The following OR5V1 variants were observed in gnomAD, a reference collection of about 807,000 sequenced individuals.
OR5V1 encodes the protein olfactory receptor family 5 subfamily V member 1.
For missense variants in OR5V1, 365 were observed against 371.5 expected (o/e 0.98, Z 0.14); for synonymous variants, 134 against 143.2 (o/e 0.94, Z 0.46).
chr6:29,368,456 T>G (rs567231414), intron 1 of OR5V1, among the ~76,000 whole-genome samples, 176 bp downstream of exon 1: 9 of 152,168 alleles, frequency 5.9e-5, no homozygotes, highest in African/African-American at 2.2e-4. Context: ...AGTAGGCTGA[T>G]TGTCACCCAA....
At chr6:29,362,422 C>G (rs1048504854) in intron 1 of OR5V1, among the ~76,000 whole-genome samples, 1 of 152,176 alleles carries the variant, frequency 6.6e-6, no homozygotes, top group African/African-American at 2.4e-5. Flanking sequence ...GAATTCAGCT[C>G]TGGACCAAGC....
rs961425340 is a variant in OR5V1, at chr6:29,354,170, T to C, written c.*1060A>G. ...GTATCTACCTGATCTATAAGCCTTTTTCTATCTCTCTTTCAATCTCTTAGG... is the reference window on the plus strand; with the variant it reads ...GTATCTACCTGATCTATAAGCCTTTCTCTATCTCTCTTTCAATCTCTTAGG... On this transcript the variant is annotated 3_prime_UTR_variant, in exon 2 of 2. Coordinates refer to ENST00000641768, the MANE Select transcript of OR5V1 (RefSeq NM_030876.6). 4 of 152,036 alleles carry C rather than the reference T, an allele frequency of 2.6e-5. No homozygotes were observed. Among genetic ancestry groups the C allele is most frequent in the South Asian group, 2.1e-4 (1 of 4,816 alleles). The allele number at this position is 152,036 out of a possible 1,614,324, so 9.4% of individuals were successfully genotyped here.
intron 1 of OR5V1, among the ~76,000 whole-genome samples, chr6:29,359,708 C>A (rs1778477829): frequency 6.6e-6 from 1 of 152,150 alleles, no homozygotes; most frequent in South Asian, 2.1e-4. Context: ...GGAGCTTCCC[C>A]AGCCAAGGGA....
chr6:29,364,180 G>A (rs1349510081), intron 1 of OR5V1, among the ~76,000 whole-genome samples: 2 of 151,980 alleles, frequency 1.3e-5, no homozygotes, highest in African/African-American at 4.8e-5. Flanking sequence ...AATCATGAGT[G>A]AACTCCCATT....
intron 1 of OR5V1, among the ~76,000 whole-genome samples, chr6:29,366,284 A>G (rs1778850355): frequency 6.6e-6 from 1 of 150,402 alleles, no homozygotes; most frequent in Non-Finnish European, 1.5e-5. Context: ...ACAAACCTGC[A>G]CATTCTGCAT....
chr6:29,360,505 G>T (rs1195377453), intron 1 of OR5V1, among the ~76,000 whole-genome samples: 1 of 152,212 alleles, frequency 6.6e-6, no homozygotes, highest in Non-Finnish European at 1.5e-5. Flanking sequence ...CCCAACAGGG[G>T]TTGACAGACA....
At position 29,355,192 on chromosome 6, in the gene OR5V1, G is replaced by A. The variant is rs1434226580; in HGVS notation, c.*38C>T. 5.9e-6 allele frequency: 9 copies of A among 1,526,398 alleles called. No homozygotes were observed. Among genetic ancestry groups the A allele is most frequent in the Non-Finnish European group, 7.9e-6 (9 of 1,142,362 alleles). 94.6% of individuals were successfully genotyped at this position (1,526,398 alleles called of 1,614,324 possible). ...ATAAAAACAGCTGACTGGTGAAAAA[G>A]TTAATTTTGTAGTATAAGATTATTG... On this transcript the variant is annotated 3_prime_UTR_variant, in exon 2 of 2. Coordinates refer to ENST00000641768, the MANE Select transcript of OR5V1 (RefSeq NM_030876.6).
rs1186450128 is a variant in OR5V1, at chr6:29,354,061, C to T, written c.*1169G>A. 6.6e-6 allele frequency: 1 copy of T among 152,086 alleles called. No individual in the cohort carries two copies. Among genetic ancestry groups the T allele is most frequent in the Non-Finnish European group, 1.5e-5 (1 of 68,000 alleles). The allele number at this position is 152,086 out of a possible 1,614,324, so 9.4% of individuals were successfully genotyped here. On this transcript the variant is annotated 3_prime_UTR_variant, in exon 2 of 2. Coordinates refer to ENST00000641768, the MANE Select transcript of OR5V1 (RefSeq NM_030876.6). ...CAAAAGAGGGGCTGGGAAGTCAAGA[C>T]TTAATCAAGGGAGGCATCAGTAGGT...
intron 1 of OR5V1, among the ~76,000 whole-genome samples, chr6:29,367,803 A>G (rs1778925576): frequency 6.6e-6 from 1 of 152,176 alleles, no homozygotes; most frequent in African/African-American, 2.4e-5. Context: ...TCACCACGCA[A>G]AGCACAAGTA....
rs776585406 is a variant in OR5V1, at chr6:29,356,188, C to G, written c.8G>C (p.Arg3Thr). 1 of 1,564,246 alleles carries G rather than the reference C, an allele frequency of 6.4e-7. No individual in the cohort carries two copies. The highest frequency in any genetic ancestry group is 8.6e-7 in the Non-Finnish European group (1 of 1,160,950). The part of the protein sequence containing the change: ME[R>T]KNQTAITEFI... ...TTCAGTTATAGCTGTTTGATTCTTT[C>G]TTTCCATGATGTCGCCTGGTTTCCT... The change falls in exon 2 of 2, where the codon AGA becomes ACA. Residue 3 changes from arginine (R) to threonine (T), a missense_variant. Transcript: ENST00000641768.
Position 29,353,805 on chromosome 6 carries a change from T to A in OR5V1, c.*1425A>T, listed in dbSNP as rs1778126684. 6.6e-6 allele frequency: 1 copy of A among 152,026 alleles called. No homozygotes were observed. Among genetic ancestry groups the A allele is most frequent in the Non-Finnish European group, 1.5e-5 (1 of 67,938 alleles). The allele number at this position is 152,026 out of a possible 1,614,324, so 9.4% of individuals were successfully genotyped here. A position where few individuals can be genotyped will look rare whatever the true frequency, so the allele number is the denominator to read the frequency against. The stretch of plus-strand genomic sequence containing the variant: ...AATTATTTAGGGTTCCTGCAGGAGA[T>A]GAGTTACAAAGTAGGTAGTACTTAG... On this transcript the variant is annotated 3_prime_UTR_variant, in exon 2 of 2. Transcript: ENST00000641768.
Position 29,354,440 on chromosome 6 carries a change from A to G in OR5V1, c.*790T>C, listed in dbSNP as rs1778158476. 1 of 152,076 alleles carries G rather than the reference A, an allele frequency of 6.6e-6. No individual in the cohort carries two copies. The highest frequency in any genetic ancestry group is 1.5e-5 in the Non-Finnish European group (1 of 67,968). The allele number at this position is 152,076 out of a possible 1,614,324, so 9.4% of individuals were successfully genotyped here. ...TCTAAATTTAGTCATTATATAACTAAGACTTTTTATTCCCCATCAAAAAAC... is the reference window on the plus strand; with the variant it reads ...TCTAAATTTAGTCATTATATAACTAGGACTTTTTATTCCCCATCAAAAAAC... On this transcript the variant is annotated 3_prime_UTR_variant, in exon 2 of 2. Transcript: ENST00000641768.
At chr6:29,359,302 C>T (rs9257775) in intron 1 of OR5V1, among the ~76,000 whole-genome samples, 67,550 of 152,004 alleles carry the variant, frequency 0.44, 15,757 homozygotes, top group Middle Eastern at 0.52. Flanking sequence ...ATTATGTCCA[C>T]ATTACAAGTA....
chr6:29,362,279 T>C (rs2151276482), intron 1 of OR5V1, among the ~76,000 whole-genome samples: 1 of 152,196 alleles, frequency 6.6e-6, no homozygotes, highest in Non-Finnish European at 1.5e-5. Context: ...AGCACCCAGA[T>C]TCATAAAACA....
intron 1 of OR5V1, among the ~76,000 whole-genome samples, chr6:29,356,903 T>C (rs1162851849): frequency 6.6e-6 from 1 of 152,174 alleles, no homozygotes; most frequent in Non-Finnish European, 1.5e-5. Flanking sequence ...AACATGATCT[T>C]TGAGTTGTAT....
intron 1 of OR5V1, among the ~76,000 whole-genome samples, chr6:29,365,667 A>C (rs1035877073): frequency 2.0e-5 from 3 of 152,344 alleles, no homozygotes; most frequent in African/African-American, 7.2e-5. Flanking sequence ...GATGTTGGCG[A>C]GGATGTGGAG....
intron 1 of OR5V1, among the ~76,000 whole-genome samples, chr6:29,367,832 G>A (rs958782459): frequency 6.6e-6 from 1 of 152,120 alleles, no homozygotes; most frequent in African/African-American, 2.4e-5. Context: ...AGAGTTATAG[G>A]AAAATTACTG....
Position 29,356,206 on chromosome 6 carries a change from G to A in OR5V1, c.-11C>T. On this transcript the variant is annotated 5_prime_UTR_variant, in exon 2 of 2. Coordinates refer to ENST00000641768, the MANE Select transcript of OR5V1 (RefSeq NM_030876.6). ...ATTCTTTCTTTCCATGATGTCGCCT[G>A]GTTTCCTTTCAGGAATTGGGCAAAG... 1 of 1,546,346 alleles carries A rather than the reference G, an allele frequency of 6.5e-7. No homozygotes were observed. The highest frequency in any genetic ancestry group is 8.7e-7 in the Non-Finnish European group (1 of 1,152,992).
chr6:29,353,800 G>A lies in OR5V1; in HGVS notation c.*1430C>T, dbSNP rs1778126540. On this transcript the variant is annotated 3_prime_UTR_variant, in exon 2 of 2. Coordinates refer to ENST00000641768, the MANE Select transcript of OR5V1 (RefSeq NM_030876.6). ...AGAAGAATTATTTAGGGTTCCTGCA[G>A]GAGATGAGTTACAAAGTAGGTAGTA... 6.6e-6 allele frequency: 1 copy of A among 152,020 alleles called. No individual in the cohort carries two copies. The highest frequency in any genetic ancestry group is 1.5e-5 in the Non-Finnish European group (1 of 67,920). The allele number at this position is 152,020 out of a possible 1,614,324, so 9.4% of individuals were successfully genotyped here. A position where few individuals can be genotyped will look rare whatever the true frequency, so the allele number is the denominator to read the frequency against.
Sources: allele counts gnomAD v4.1 joint callset (sites outside exome capture counted in the v4.1 genomes callset), GRCh38; gene constraint gnomAD v4.1.1; transcripts MANE v1.5; gene names NCBI Gene and HGNC (gene_info 2026-07-23, HGNC 2026-07-21).